The following BRINP3 variants were observed in gnomAD, a reference collection of about 807,000 sequenced individuals.
The protein encoded by BRINP3 is BMP/retinoic acid-inducible neural-specific protein 3.
A neutral mutation model predicts 71.0 loss-of-function variants in BRINP3; 19 were observed. The ratio of observed to expected loss-of-function variants is 0.27; its 90% CI spans 0.19 to 0.39. BRINP3 has a LOEUF of 0.39. Among genes scored for constraint, BRINP3 ranks in the 10% least tolerant of loss-of-function variants. The pLI is 1.00. For missense variants in BRINP3, 959 were observed against 940.8 expected (o/e 1.02, Z -0.25); for synonymous variants, 380 against 337.7 (o/e 1.13, Z -1.37).
At chr1:190,171,603 C>T (rs1652013190) in intron 6 of BRINP3, among the ~76,000 whole-genome samples, 1 of 152,028 alleles carries the variant, frequency 6.6e-6, no homozygotes, top group Admixed American at 6.6e-5. Context: ...TATGTTGCTA[C>T]TGAAGTGTTA....
intron 2 of BRINP3, among the ~76,000 whole-genome samples, chr1:190,384,229 T>C (rs2102266976): frequency 6.6e-6 from 1 of 151,850 alleles, no homozygotes; most frequent in Admixed American, 6.6e-5. Flanking sequence ...GTGTCATGAA[T>C]ATGTAGTCAT....
chr1:190,321,632 A>G (rs1259089280), intron 2 of BRINP3, among the ~76,000 whole-genome samples: 3 of 152,140 alleles, frequency 2.0e-5, no homozygotes, highest in Non-Finnish European at 4.4e-5. Context: ...GACTGATTAA[A>G]CAAATTTGGG....
chr1:190,365,504 A>G (rs939208575), intron 2 of BRINP3, among the ~76,000 whole-genome samples: 3 of 148,734 alleles, frequency 2.0e-5, no homozygotes, highest in African/African-American at 7.4e-5. Flanking sequence ...TTATATGATT[A>G]ATATGATAAT....
At chr1:190,449,563 GTA>G (rs34335384) in intron 2 of BRINP3, among the ~76,000 whole-genome samples, 2 of 150,622 alleles carry the variant, frequency 1.3e-5, no homozygotes, top group Non-Finnish European at 1.5e-5. Context: ...ATTATAGCAT[GTA>G]TATATATATA....
intron 7 of BRINP3, chr1:190,154,101 T>C (rs1183769980): frequency 1.1e-6 from 1 of 951,632 alleles, no homozygotes; most frequent in East Asian, 1.2e-4. Flanking sequence ...CATCACATTT[T>C]CATCTTAGCT....
chr1:190,336,979 G>T (rs1273641636), intron 2 of BRINP3, among the ~76,000 whole-genome samples: 1 of 151,092 alleles, frequency 6.6e-6, no homozygotes, highest in African/African-American at 2.4e-5. Flanking sequence ...ACTTTAGAAT[G>T]TAATGAATAT....
intron 6 of BRINP3, among the ~76,000 whole-genome samples, chr1:190,200,801 C>A (rs12069611): frequency 6.6e-6 from 1 of 152,060 alleles, no homozygotes; most frequent in African/African-American, 2.4e-5. Context: ...TCAGCACAAG[C>A]TCTTTTTTTG....
At chr1:190,385,757 T>A (rs1048939510) in intron 2 of BRINP3, among the ~76,000 whole-genome samples, 1 of 152,000 alleles carries the variant, frequency 6.6e-6, no homozygotes, top group African/African-American at 2.4e-5. Context: ...CTATAAATCA[T>A]GCTGGTATAA....
intron 2 of BRINP3, among the ~76,000 whole-genome samples, chr1:190,285,654 T>C (rs1663364969): frequency 6.6e-6 from 1 of 152,008 alleles, no homozygotes; most frequent in Admixed American, 6.6e-5. Context: ...TTTTTGACTC[T>C]GGGAAATCTT....
chr1:190,440,976 T>C (rs1036591866), intron 2 of BRINP3, among the ~76,000 whole-genome samples: 15 of 151,940 alleles, frequency 9.9e-5, no homozygotes, highest in Admixed American at 8.5e-4. Context: ...TTATAGGCTT[T>C]AAAAGTTAGA....
chr1:190,463,333 G>C (rs1676518596), intron 1 of BRINP3, among the ~76,000 whole-genome samples: 1 of 151,378 alleles, frequency 6.6e-6, no homozygotes, highest in African/African-American at 2.4e-5. Flanking sequence ...GTTTTTTCAT[G>C]TTCCCATACA....
intron 6 of BRINP3, among the ~76,000 whole-genome samples, chr1:190,194,765 A>G (rs990638196): frequency 1.3e-5 from 2 of 152,092 alleles, no homozygotes; most frequent in African/African-American, 2.4e-5. Flanking sequence ...AAATTTACCA[A>G]TTTAGAATGA....
intron 6 of BRINP3, among the ~76,000 whole-genome samples, chr1:190,198,712 G>A (rs921934248): frequency 6.6e-6 from 1 of 152,024 alleles, no homozygotes; most frequent in Non-Finnish European, 1.5e-5. Context: ...CTCCATCTGA[G>A]ACCACCTCAG....
chr1:190,462,250 CA>C (rs1268871758), intron 1 of BRINP3, among the ~76,000 whole-genome samples: 1 of 151,876 alleles, frequency 6.6e-6, no homozygotes, highest in Non-Finnish European at 1.5e-5. Context: ...ATGTTAAGGA[CA>C]AAAATAGAAA....
chr1:190,338,024 T>G (rs1434758978), intron 2 of BRINP3, among the ~76,000 whole-genome samples: 1 of 152,068 alleles, frequency 6.6e-6, no homozygotes, highest in Non-Finnish European at 1.5e-5. Flanking sequence ...AAACTTGAAG[T>G]GTAGTTATTC....
At chr1:190,424,654 C>A (rs1319861087) in intron 2 of BRINP3, among the ~76,000 whole-genome samples, 1 of 151,588 alleles carries the variant, frequency 6.6e-6, no homozygotes, top group African/African-American at 2.4e-5. Context: ...AAGAAAGAAA[C>A]AGTGAACAGT....
intron 1 of BRINP3, among the ~76,000 whole-genome samples, chr1:190,457,115 A>C (rs551471954): frequency 4.7e-4 from 71 of 152,296 alleles, no homozygotes; most frequent in African/African-American, 1.7e-3. Flanking sequence ...GTGGTTAAAA[A>C]AATGGACTCT....
chr1:190,138,575 C>T (rs577737632), intron 7 of BRINP3, among the ~76,000 whole-genome samples: 1 of 152,084 alleles, frequency 6.6e-6, no homozygotes, highest in East Asian at 1.9e-4. Flanking sequence ...CTGTGTTGAG[C>T]CTTGGTATAG....
In BRINP3 at chr1:190,098,895, T is replaced by C; in HGVS notation, c.1424A>G (p.Lys475Arg). The C allele has an allele frequency of 6.2e-7, 1 of 1,614,196 alleles. No homozygotes were observed. Among genetic ancestry groups the C allele is most frequent in the Non-Finnish European group, 8.5e-7 (1 of 1,180,034 alleles). ...ATCGGTGGACTCGGCGACTTCAGGC[T>C]TGCAGAGCCCCTGGCTGAGCATGTA... ...TGYMLSQGLCKPEVAESTDHY... is the reference protein window; with the variant it reads ...TGYMLSQGLCRPEVAESTDHY... The change falls in exon 8 of 8, where the codon AAG becomes AGG. Residue 475 changes from lysine to arginine, a missense_variant. Physicochemically the swap from Lys to Arg is conservative, Grantham distance 26 (BLOSUM62 2). Coordinates refer to ENST00000367462, the MANE Select transcript of BRINP3 (RefSeq NM_199051.3).
Sources: gnomAD v4.1 joint callset for allele counts (sites outside exome capture counted in the v4.1 genomes callset) on GRCh38, gnomAD v4.1.1 for gene constraint, MANE v1.5 for transcripts, NCBI Gene and HGNC (gene_info 2026-07-23, HGNC 2026-07-21) for gene names.